The following PRUNE2 variants were observed in gnomAD, a reference collection of about 807,000 sequenced individuals.
The protein encoded by PRUNE2 is protein prune homolog 2.
PRUNE2 carries 164 observed loss-of-function variants against 252.0 expected under a neutral mutation model. The ratio of observed to expected loss-of-function variants is 0.65; its 90% CI spans 0.57 to 0.74. The LOEUF (loss-of-function observed/expected upper bound fraction) is 0.74, where lower values mean the gene tolerates loss of function less well. PRUNE2 is among the 30% of genes least tolerant of loss of function. The pLI is 0.00. For missense variants in PRUNE2, 3,495 were observed against 3,711.0 expected (o/e 0.94, Z 1.51); for synonymous variants, 1,292 against 1,350.2 (o/e 0.96, Z 0.94).
chr9:76,761,430 C>A (rs1194354247), intron 6 of PRUNE2, among the ~76,000 whole-genome samples: 1 of 152,186 alleles, frequency 6.6e-6, no homozygotes, highest in Non-Finnish European at 1.5e-5. Context: ...AATTAATCAT[C>A]TATATACCTC....
intron 9 of PRUNE2, among the ~76,000 whole-genome samples, chr9:76,669,381 G>A (rs1300415028): frequency 2.0e-5 from 3 of 151,836 alleles, no homozygotes; most frequent in African/African-American, 4.8e-5. Context: ...GTGCAGTGGC[G>A]TGATCTCGGC....
chr9:76,665,728 C>G (rs1261715127), intron 9 of PRUNE2, among the ~76,000 whole-genome samples: 2 of 152,072 alleles, frequency 1.3e-5, no homozygotes, highest in Non-Finnish European at 2.9e-5. Flanking sequence ...CATAGTGAAA[C>G]TTGACCATAA....
chr9:76,850,246 C>G (rs1030515724), intron 3 of PRUNE2, among the ~76,000 whole-genome samples: 1 of 152,112 alleles, frequency 6.6e-6, no homozygotes, highest in Non-Finnish European at 1.5e-5. Context: ...AAGGTTTCAC[C>G]ATGTTGGTCA....
rs936939014 is a variant in PRUNE2, at chr9:76,751,579, A to C, written c.757-37858T>G. ...GTCACAGGAAATAGAAGGCCTTTAA[A>C]TTTGTATCTTCGTGGGAAATGTACC... On this transcript the variant is annotated intron_variant, in intron 6 of 18. Coordinates refer to ENST00000376718, the MANE Select transcript of PRUNE2 (RefSeq NM_015225.3). 4.6e-5 allele frequency among the ~76,000 whole-genome samples: 7 copies of C among 152,182 alleles called. No individual in the cohort carries two copies. The East Asian group carries it at 1.3e-3, about 29-fold the overall frequency.
chr9:76,902,036 T>A (rs2063207259), intron 1 of PRUNE2, among the ~76,000 whole-genome samples: 1 of 152,076 alleles, frequency 6.6e-6, no homozygotes, highest in Non-Finnish European at 1.5e-5. Flanking sequence ...TTGCATCACC[T>A]GGGGGGGTCT....
intron 9 of PRUNE2, among the ~76,000 whole-genome samples, chr9:76,661,161 A>C (rs1851261359): frequency 6.6e-6 from 1 of 152,206 alleles, no homozygotes; most frequent in Non-Finnish European, 1.5e-5. Context: ...TCTAAAACAT[A>C]ATAATGCAGA....
chr9:76,682,230 T>C lies in PRUNE2; in HGVS notation c.8276+21107A>G, dbSNP rs1468142533. 2.0e-5 allele frequency among the ~76,000 whole-genome samples: 3 copies of C among 151,984 alleles called. No individual in the cohort carries two copies. The East Asian group carries it at 5.8e-4, about 29-fold the overall frequency. Reference sequence around the variant, plus strand: ...ATAAAAAAACTTTTAAAAAGTCTTATTCATTATAAAAACATAGTTTACTTA... The same window carrying C: ...ATAAAAAAACTTTTAAAAAGTCTTACTCATTATAAAAACATAGTTTACTTA... On this transcript the variant is annotated intron_variant, in intron 9 of 18. Transcript: ENST00000376718.
intron 6 of PRUNE2, chr9:76,817,810 A>C (rs534587789): frequency 2.6e-5 from 4 of 152,220 alleles, no homozygotes; most frequent in Admixed American, 6.5e-5. Flanking sequence ...GGATTAAGTG[A>C]GATAATGCTT....
At chr9:76,865,806 T>TACAC (rs34661457) in intron 1 of PRUNE2, among the ~76,000 whole-genome samples, 25,343 of 126,992 alleles carry the variant, frequency 0.2, 2,454 homozygotes, top group East Asian at 0.26. Context: ...TCTCTCTCCC[T>TACAC]ACACACACAC....
intron 6 of PRUNE2, among the ~76,000 whole-genome samples, chr9:76,746,815 G>A (rs1163105728): frequency 3.3e-5 from 5 of 151,600 alleles, no homozygotes; most frequent in African/African-American, 9.7e-5. Context: ...TGCATGGGTG[G>A]AGGCTCATAG....
intron 6 of PRUNE2, among the ~76,000 whole-genome samples, chr9:76,813,206 A>G (rs2057472692): frequency 6.6e-6 from 1 of 152,146 alleles, no homozygotes; most frequent in African/African-American, 2.4e-5. Flanking sequence ...TGGTTTATTG[A>G]TTGTCATGAC....
intron 6 of PRUNE2, among the ~76,000 whole-genome samples, chr9:76,763,684 A>C (rs533568017): frequency 2.0e-5 from 3 of 152,290 alleles, no homozygotes; most frequent in African/African-American, 4.8e-5. Context: ...GTTGGTGGAT[A>C]CTGCAGAAGA....
intron 6 of PRUNE2, among the ~76,000 whole-genome samples, chr9:76,755,477 T>A (rs12555311): frequency 0.12 from 18,139 of 152,026 alleles, 1,666 homozygotes; most frequent in East Asian, 0.41. Context: ...CTAAAGAATT[T>A]GTGGCTAAGC....
rs183658410 is a variant in PRUNE2, at chr9:76,614,745, A to G, written c.9237-145T>C. The G allele has an allele frequency of 1.5e-5, 10 of 649,328 alleles. No individual in the cohort carries two copies. The Admixed American group carries it at 3.1e-4, about 20-fold the overall frequency. The allele number at this position is 649,328 out of a possible 1,614,324, so 40.2% of individuals were successfully genotyped here. ...CATGCAAGTTTCTTATAATAGAAAA[A>G]TCTGGTAAAACCCAATCCTCCTCTT... On this transcript the variant is annotated intron_variant, in intron 18 of 18. Transcript: ENST00000376718.
chr9:76,771,995 C>G (rs897475287), intron 6 of PRUNE2, among the ~76,000 whole-genome samples: 1 of 152,176 alleles, frequency 6.6e-6, no homozygotes, highest in Non-Finnish European at 1.5e-5. Context: ...TGCACTACAG[C>G]AAATTTGCCT....
chr9:76,701,768 C>G (rs147057938), intron 9 of PRUNE2, among the ~76,000 whole-genome samples: 92 of 152,298 alleles, frequency 6.0e-4, no homozygotes, highest in African/African-American at 2.2e-3. Flanking sequence ...TTTCCATTGT[C>G]CTTGTTCCTT....
chr9:76,835,738 AAG>A (rs148036112), intron 4 of PRUNE2, among the ~76,000 whole-genome samples: 16 of 151,104 alleles, frequency 1.1e-4, no homozygotes, highest in South Asian at 2.1e-4. Context: ...CTCTTTGGGC[AAG>A]AGAGAGAGAG....
In PRUNE2 at chr9:76,625,110, AAAATGACAAGT is replaced by A. The variant is rs1290608417; in HGVS notation, c.9150-631_9150-621del. The A allele has an allele frequency of 2.5e-6, 3 of 1,198,108 alleles. No homozygotes were observed. In the African/African-American group the frequency reaches 4.7e-5, roughly 19 times the overall value. The allele number at this position is 1,198,108 out of a possible 1,614,324, so 74.2% of individuals were successfully genotyped here. On this transcript the variant is annotated intron_variant, in intron 16 of 18. Coordinates refer to ENST00000376718, the MANE Select transcript of PRUNE2 (RefSeq NM_015225.3). ...AAGGAAAATGAGCAAACAGATGGGA[AAAATGACAAGT>A]AAATGATTTAAATGACAGTCAAATC...
intron 1 of PRUNE2, among the ~76,000 whole-genome samples, chr9:76,891,514 C>A (rs561305103): frequency 2.3e-4 from 35 of 152,336 alleles, no homozygotes; most frequent in African/African-American, 8.2e-4. Flanking sequence ...TCATTAATCT[C>A]ACAGTTGCAT....
Sources: gnomAD v4.1 joint callset for allele counts (sites outside exome capture counted in the v4.1 genomes callset) on GRCh38, gnomAD v4.1.1 for gene constraint, MANE v1.5 for transcripts, NCBI Gene and HGNC (gene_info 2026-07-23, HGNC 2026-07-21) for gene names.